Variants in TBC1D4 observed in about 807,000 individuals in gnomAD.
The protein encoded by TBC1D4 is TBC1 domain family member 4, also known as TBC (Tre-2, BUB2, CDC16) domain-containing protein.
A neutral mutation model predicts 142.5 loss-of-function variants in TBC1D4; 121 were observed. The ratio of observed to expected loss-of-function variants is 0.85; its 90% CI spans 0.73 to 0.99. TBC1D4 has a LOEUF of 0.99. Among genes scored for constraint, TBC1D4 ranks in the 50% least tolerant of loss-of-function variants. The probability of loss-of-function intolerance (pLI) is 0.00; values close to 1 mark genes in which losing one functional copy is unlikely to be tolerated. For missense variants in TBC1D4, 1,475 were observed against 1,606.6 expected (o/e 0.92, Z 1.40); for synonymous variants, 630 against 628.2 (o/e 1.00, Z -0.04).
chr13:75,291,103 T>G (rs1875250639), intron 19 of TBC1D4, among the ~76,000 whole-genome samples: 1 of 152,212 alleles, frequency 6.6e-6, no homozygotes, highest in Non-Finnish European at 1.5e-5. Flanking sequence ...ACATACGGTG[T>G]GCAGATTACT....
In TBC1D4 at chr13:75,412,203, T is replaced by C. The variant is rs78377518; in HGVS notation, c.499-49596A>G. On this transcript the variant is annotated intron_variant, in intron 1 of 20. Coordinates refer to ENST00000377636, the MANE Select transcript of TBC1D4 (RefSeq NM_014832.5). Reference sequence around the variant, plus strand: ...TCACACAAAACACACATCTGAATGATAATCCAGTTTAAGTTAGGTAAGTAA... The same window carrying C: ...TCACACAAAACACACATCTGAATGACAATCCAGTTTAAGTTAGGTAAGTAA... 6.6e-3 allele frequency among the ~76,000 whole-genome samples: 998 copies of C among 152,340 alleles called. 11 individuals are homozygous for C. The highest frequency in any genetic ancestry group is 0.022 in the African/African-American group (912 of 41,580).
intron 17 of TBC1D4, among the ~76,000 whole-genome samples, chr13:75,296,165 A>G (rs1466032007): frequency 6.6e-6 from 1 of 152,122 alleles, no homozygotes; most frequent in Non-Finnish European, 1.5e-5. Flanking sequence ...GAGCCACAGG[A>G]AGTCATAGCT....
chr13:75,413,021 G>A (rs1401407011), intron 1 of TBC1D4, among the ~76,000 whole-genome samples: 3 of 152,096 alleles, frequency 2.0e-5, no homozygotes, highest in Non-Finnish European at 4.4e-5. Context: ...TTCCAGTGGG[G>A]GAAACAGACA....
intron 1 of TBC1D4, among the ~76,000 whole-genome samples, chr13:75,414,940 A>G (rs955298192): frequency 6.6e-6 from 1 of 151,976 alleles, no homozygotes; most frequent in South Asian, 2.1e-4. Flanking sequence ...CTTGGCCAAC[A>G]TGGTAAAACC....
At chr13:75,448,311 A>G (rs1288537413) in intron 1 of TBC1D4, among the ~76,000 whole-genome samples, 2 of 152,096 alleles carry the variant, frequency 1.3e-5, no homozygotes, top group Non-Finnish European at 2.9e-5. Flanking sequence ...CCCATGTTTT[A>G]AAAAACACTT....
intron 2 of TBC1D4, among the ~76,000 whole-genome samples, chr13:75,360,249 T>A (rs886841712): frequency 6.6e-6 from 1 of 152,168 alleles, no homozygotes; most frequent in Non-Finnish European, 1.5e-5. Context: ...TATCTGTAAT[T>A]GGGCTAATGA....
chr13:75,306,418 C>T lies in TBC1D4; in HGVS notation c.2647G>A (p.Gly883Ser), dbSNP rs1877192686. 6.2e-7 allele frequency: 1 copy of T among 1,613,194 alleles called. No individual in the cohort carries two copies. The highest frequency in any genetic ancestry group is 2.2e-5 in the East Asian group (1 of 44,782). The change falls in exon 15 of 21, where the codon GGT becomes AGT. Residue 883 changes from glycine (G) to serine (S), a missense_variant. By Grantham distance (56) the Gly-to-Ser change is moderately conservative (BLOSUM62 0). Coordinates refer to ENST00000377636, the MANE Select transcript of TBC1D4 (RefSeq NM_014832.5). ...ATTAAGACCTCTTTCTGACATGCACCAACTTCTTCATAGTCTAATTTAACT... is the reference window on the plus strand; with the variant it reads ...ATTAAGACCTCTTTCTGACATGCACTAACTTCTTCATAGTCTAATTTAACT... ...RKVKLDYEEV[G>S]ACQKEVLITW... is the part of the protein sequence containing the mutation.
At chr13:75,388,888 A>G (rs1884323436) in intron 1 of TBC1D4, among the ~76,000 whole-genome samples, 1 of 152,200 alleles carries the variant, frequency 6.6e-6, no homozygotes, top group Admixed American at 6.5e-5. Context: ...ATGCCTTCCA[A>G]CATTGTTCAA....
intron 1 of TBC1D4, among the ~76,000 whole-genome samples, chr13:75,368,643 T>C (rs889457399): frequency 2.0e-5 from 3 of 152,190 alleles, no homozygotes; most frequent in African/African-American, 7.2e-5. Context: ...AGGTACGACT[T>C]GTGCCTTCTT....
At chr13:75,292,804 A>G (rs150495876) in intron 18 of TBC1D4, among the ~76,000 whole-genome samples, 112 of 152,244 alleles carry the variant, frequency 7.4e-4, no homozygotes, top group African/African-American at 2.6e-3. Context: ...TATAAGAGCT[A>G]CCCTAACTCT....
intron 6 of TBC1D4, 46 bp downstream of exon 6, chr13:75,341,450 T>C (rs1447668962): frequency 6.4e-7 from 1 of 1,569,804 alleles, no homozygotes; most frequent in African/African-American, 1.4e-5. Context: ...CAGGATCCAA[T>C]TCTCATTCCT....
chr13:75,395,221 A>G (rs1006446452), intron 1 of TBC1D4, among the ~76,000 whole-genome samples: 2 of 152,232 alleles, frequency 1.3e-5, no homozygotes, highest in Admixed American at 1.3e-4. Flanking sequence ...GGATAAGGGT[A>G]GGCATAAAAC....
intron 4 of TBC1D4, among the ~76,000 whole-genome samples, chr13:75,354,388 G>A (rs1881867492): frequency 6.6e-6 from 1 of 152,188 alleles, no homozygotes; most frequent in Non-Finnish European, 1.5e-5. Flanking sequence ...AAGGGCCCAA[G>A]TAAAGAAGAT....
chr13:75,436,607 T>A (rs1395371640), intron 1 of TBC1D4, among the ~76,000 whole-genome samples: 1 of 151,292 alleles, frequency 6.6e-6, no homozygotes. Context: ...CAAAGAGCCA[T>A]GATTGCACCA....
At chr13:75,387,528 C>A (rs1430319845) in intron 1 of TBC1D4, among the ~76,000 whole-genome samples, 1 of 152,208 alleles carries the variant, frequency 6.6e-6, no homozygotes, top group African/African-American at 2.4e-5. Context: ...TATTGGTTCA[C>A]TGAATTATGC....
chr13:75,466,986 A>G (rs1470055875), intron 1 of TBC1D4, among the ~76,000 whole-genome samples: 1 of 152,206 alleles, frequency 6.6e-6, no homozygotes, highest in Non-Finnish European at 1.5e-5. Flanking sequence ...TCTAGAATCA[A>G]TTCTGCTTTC....
At chr13:75,349,441 G>A in intron 4 of TBC1D4, 139 bp from the exon 5 acceptor site, 1 of 1,155,520 alleles carries the variant, frequency 8.7e-7, no homozygotes, top group Non-Finnish European at 1.2e-6. Context: ...TTAGCCGAGA[G>A]AAAATACTAA....
At chr13:75,299,060 G>T (rs1876243313) in intron 17 of TBC1D4, among the ~76,000 whole-genome samples, 1 of 152,160 alleles carries the variant, frequency 6.6e-6, no homozygotes, top group African/African-American at 2.4e-5. Flanking sequence ...ATAAAGGACT[G>T]GGTCCTCATC....
intron 10 of TBC1D4, among the ~76,000 whole-genome samples, chr13:75,324,655 A>C (rs1879077582): frequency 6.6e-6 from 1 of 152,214 alleles, no homozygotes; most frequent in Non-Finnish European, 1.5e-5. Flanking sequence ...TTTGTCTCTA[A>C]AAATTTCTTA....
Sources: allele counts gnomAD v4.1 joint callset (sites outside exome capture counted in the v4.1 genomes callset), GRCh38; gene constraint gnomAD v4.1.1; transcripts MANE v1.5; gene names NCBI Gene and HGNC (gene_info 2026-07-23, HGNC 2026-07-21).